PPP1R12B: variants seen among roughly 807,000 people sequenced by gnomAD.
PPP1R12B encodes the protein protein phosphatase 1 regulatory subunit 12B, also known as myosin phosphatase target subunit 2.
In PPP1R12B, 76 loss-of-function variants were observed where a neutral mutation model predicts 126.1. That is an observed-to-expected ratio of 0.60 (90% CI 0.50 to 0.73). The LOEUF is 0.73. PPP1R12B is among the 30% of genes least tolerant of loss of function. The pLI, the probability that PPP1R12B is intolerant of heterozygous loss-of-function variation, is 0.00. For missense variants in PPP1R12B, 1,052 were observed against 1,205.1 expected, an observed-to-expected ratio of 0.87 and a Z score of 1.88; for synonymous variants, 356 against 434.7, an observed-to-expected ratio of 0.82 and a Z score of 2.25.
rs1168023264 is a variant in PPP1R12B at position 202,583,022 on chromosome 1, C to G, written c.*2462C>G. The G allele has an allele frequency of 2.0e-5, 3 of 152,180 alleles. No homozygotes were observed. The highest frequency in any genetic ancestry group is 4.4e-5 in the Non-Finnish European group (3 of 68,034). 9.4% of individuals were successfully genotyped at this position (152,180 alleles called of 1,614,324 possible). ...AACCATTTTTCAAGAGAAGCTGCTA[C>G]TATCTTGAGACTTCGTATTATCATG... On this transcript the variant is annotated 3_prime_UTR_variant, in exon 24 of 24. Coordinates refer to ENST00000608999, the MANE Select transcript of PPP1R12B (RefSeq NM_002481.4).
At chr1:202,462,160 A>C (rs1369856754) in intron 13 of PPP1R12B, among the ~76,000 whole-genome samples, 3 of 152,230 alleles carry the variant, frequency 2.0e-5, no homozygotes, top group Non-Finnish European at 4.4e-5. Flanking sequence ...CCTAATGGGC[A>C]TGTGAATTAT....
chr1:202,439,287 G>A, intron 10 of PPP1R12B: 1 of 1,425,258 alleles, frequency 7.0e-7, no homozygotes, highest in Non-Finnish European at 9.9e-7. Flanking sequence ...GGCCCAGCAG[G>A]GTGAGTACAG....
chr1:202,512,283 C>T (rs541043576), intron 18 of PPP1R12B, among the ~76,000 whole-genome samples: 57 of 152,246 alleles, frequency 3.7e-4, no homozygotes, highest in African/African-American at 1.2e-3. Flanking sequence ...ACCTAGAGAG[C>T]AATTAGAGCC....
In PPP1R12B at chr1:202,409,137, C is replaced by T. The variant is rs1290513822; in HGVS notation, c.292-7650C>T. ...TACAGGCATGAGCCATTACGACCAGCATCAATTATTTTGAGTTTATACCCA... is the reference window on the plus strand; with the variant it reads ...TACAGGCATGAGCCATTACGACCAGTATCAATTATTTTGAGTTTATACCCA... On this transcript the variant is annotated intron_variant, in intron 1 of 23. Transcript: ENST00000608999. Among the ~76,000 whole-genome samples, 5 of 151,984 alleles carry T rather than the reference C, an allele frequency of 3.3e-5. 1 individual carries two copies. Among genetic ancestry groups the T allele is most frequent in the Non-Finnish European group, 7.4e-5 (5 of 67,994 alleles).
At chr1:202,575,840 A>G (rs1008897020) in intron 23 of PPP1R12B, 1 of 152,204 alleles carries the variant, frequency 6.6e-6, no homozygotes, top group Admixed American at 6.5e-5. Context: ...TGGATACCAG[A>G]CAGTCCTCAC....
chr1:202,408,298 CAT>C (rs3077279), intron 1 of PPP1R12B, among the ~76,000 whole-genome samples: 61,301 of 151,848 alleles, frequency 0.4, 14,473 homozygotes, highest in East Asian at 0.68. Flanking sequence ...TAAAATGCCT[CAT>C]GTGAGAACCA....
At chr1:202,480,205 T>C (rs1230757292) in intron 13 of PPP1R12B, among the ~76,000 whole-genome samples, 1 of 152,108 alleles carries the variant, frequency 6.6e-6, no homozygotes, top group Non-Finnish European at 1.5e-5. Context: ...AAGTGGAAAT[T>C]CTAGAAACAA....
chr1:202,416,525 TAAAAAAAAAAA>T (rs35476608), intron 1 of PPP1R12B, among the ~76,000 whole-genome samples: 1 of 111,662 alleles, frequency 9.0e-6, no homozygotes, highest in African/African-American at 3.5e-5. Context: ...AAACTCTGTC[TAAAAAAAAAAA>T]AAAAAAAAAA....
At chr1:202,546,091 C>T (rs1409196779) in intron 18 of PPP1R12B, among the ~76,000 whole-genome samples, 1 of 152,170 alleles carries the variant, frequency 6.6e-6, no homozygotes, top group Non-Finnish European at 1.5e-5. Context: ...AGGGTCAGGA[C>T]ATGATCAGGT....
At chr1:202,351,186 G>T (rs1211998102) in intron 1 of PPP1R12B, among the ~76,000 whole-genome samples, 2 of 151,502 alleles carry the variant, frequency 1.3e-5, no homozygotes, top group African/African-American at 4.9e-5. Context: ...GAGTTACAAT[G>T]TGTGTCTCCA....
chr1:202,452,297 C>A (rs1379574640), intron 13 of PPP1R12B, among the ~76,000 whole-genome samples: 1 of 152,224 alleles, frequency 6.6e-6, no homozygotes, highest in Non-Finnish European at 1.5e-5. Context: ...TCTGCAATCC[C>A]GGCACCTCGG....
intron 2 of PPP1R12B, among the ~76,000 whole-genome samples, chr1:202,420,967 C>CTTTTTT (rs56164548): frequency 0.32 from 35,884 of 113,442 alleles, 7,263 homozygotes; most frequent in East Asian, 0.52. Flanking sequence ...CCTCTGCCAA[C>CTTTTTT]TTTTTTTTTT....
rs1473072087 is a variant in PPP1R12B at position 202,588,525 on chromosome 1, CAACAGTATTT to C, written c.*7967_*7976del. 6.6e-6 allele frequency: 1 copy of C among 152,586 alleles called. No homozygotes were observed. The allele number at this position is 152,586 out of a possible 1,614,324, so 9.5% of individuals were successfully genotyped here. Reference sequence around the variant, plus strand: ...CACTTCTATATGATGCCTGTAAACACAACAGTATTTATAAATGAGTAAATAAAACTGTGTT... The same window carrying C: ...CACTTCTATATGATGCCTGTAAACACATAAATGAGTAAATAAAACTGTGTT... On this transcript the variant is annotated 3_prime_UTR_variant, in exon 24 of 24. Transcript: ENST00000608999.
At chr1:202,392,660 T>A (rs1173314185) in intron 1 of PPP1R12B, among the ~76,000 whole-genome samples, 2 of 151,944 alleles carry the variant, frequency 1.3e-5, no homozygotes, top group Non-Finnish European at 2.9e-5. Context: ...TAGCTGGGAC[T>A]ACAGGCCCAC....
At chr1:202,509,349 G>C (rs1681170014) in intron 18 of PPP1R12B, among the ~76,000 whole-genome samples, 1 of 152,210 alleles carries the variant, frequency 6.6e-6, no homozygotes, top group Non-Finnish European at 1.5e-5. Context: ...GTGAAGGAGA[G>C]AGGGGGAGTT....
At chr1:202,463,097 G>A in intron 13 of PPP1R12B, 1 of 981,688 alleles carries the variant, frequency 1.0e-6, no homozygotes, top group Non-Finnish European at 1.2e-6. Flanking sequence ...AGAAGCAGCA[G>A]GTAAAATTTC....
At position 202,580,772 on chromosome 1, in the gene PPP1R12B, A is replaced by G; in HGVS notation, c.*212A>G. 1 of 518,212 alleles carries G rather than the reference A, an allele frequency of 1.9e-6. No individual in the cohort carries two copies. Among genetic ancestry groups the G allele is most frequent in the South Asian group, 2.2e-5 (1 of 45,286 alleles). The allele number at this position is 518,212 out of a possible 1,614,324, so 32.1% of individuals were successfully genotyped here. A position where few individuals can be genotyped will look rare whatever the true frequency, so the allele number is the denominator to read the frequency against. Reference sequence around the variant, plus strand: ...AAACCCCTATCCCAAGTTTTATGACAGTTTTAATTGAAGCATGATTGTGGT... The same window carrying G: ...AAACCCCTATCCCAAGTTTTATGACGGTTTTAATTGAAGCATGATTGTGGT... On this transcript the variant is annotated 3_prime_UTR_variant, in exon 24 of 24. Transcript: ENST00000608999.
chr1:202,376,284 G>T (rs1661166703), intron 1 of PPP1R12B, among the ~76,000 whole-genome samples: 2 of 152,116 alleles, frequency 1.3e-5, no homozygotes, highest in South Asian at 4.1e-4. Context: ...TTGATAGCAT[G>T]TTCTTACATC....
At chr1:202,423,709 G>A (rs1210148234) in intron 3 of PPP1R12B, among the ~76,000 whole-genome samples, 2 of 151,936 alleles carry the variant, frequency 1.3e-5, no homozygotes, top group African/African-American at 4.8e-5. Context: ...TTTGAGACAG[G>A]GTCTCACTCT....
Sources: gnomAD v4.1 joint callset for allele counts (sites outside exome capture counted in the v4.1 genomes callset) on GRCh38, gnomAD v4.1.1 for gene constraint, MANE v1.5 for transcripts, NCBI Gene and HGNC (gene_info 2026-07-23, HGNC 2026-07-21) for gene names.